The following KIAA1217 variants were observed in gnomAD, a reference collection of about 807,000 sequenced individuals.
KIAA1217 encodes the protein KIAA1217.
Under a neutral mutation model 163.9 loss-of-function variants are expected in KIAA1217, and 88 were observed. That is an observed-to-expected ratio of 0.54 (90% CI 0.45 to 0.64). The LOEUF is 0.64. KIAA1217 is among the 30% of genes least tolerant of loss of function. The probability of loss-of-function intolerance (pLI) is 0.00; values close to 1 mark genes in which losing one functional copy is unlikely to be tolerated. For missense variants in KIAA1217, 2,372 were observed against 2,475.0 expected (o/e 0.96, Z 0.88); for synonymous variants, 903 against 923.1 (o/e 0.98, Z 0.39).
chr10:24,488,961 G>A (rs2065753430), intron 6 of KIAA1217, among the ~76,000 whole-genome samples: 1 of 152,200 alleles, frequency 6.6e-6, no homozygotes, highest in Non-Finnish European at 1.5e-5. Context: ...CAGCTAGCAT[G>A]TTACCTAGCA....
chr10:23,967,392 G>A (rs560220165), intron 1 of KIAA1217, among the ~76,000 whole-genome samples: 4 of 152,180 alleles, frequency 2.6e-5, no homozygotes, highest in African/African-American at 9.6e-5. Flanking sequence ...AGACATATTT[G>A]CAATACATGT....
intron 9 of KIAA1217, 146 bp from the exon 10 acceptor site, chr10:24,513,112 CT>C (rs2069472439): frequency 2.7e-6 from 2 of 753,460 alleles, no homozygotes; most frequent in African/African-American, 3.5e-5. Flanking sequence ...TATGTACAGT[CT>C]TTGCTCCCTT....
At chr10:24,234,326 A>G (rs1232103881) in intron 2 of KIAA1217, among the ~76,000 whole-genome samples, 1 of 152,054 alleles carries the variant, frequency 6.6e-6, no homozygotes, top group Non-Finnish European at 1.5e-5. Context: ...CATTTTGGAT[A>G]ACAGTTACTC....
At chr10:23,831,986 ATT>A (rs1838225031) in intron 1 of KIAA1217, among the ~76,000 whole-genome samples, 1 of 152,092 alleles carries the variant, frequency 6.6e-6, no homozygotes, top group African/African-American at 2.4e-5. Context: ...ATGTGTGCAG[ATT>A]TTTCCCAGTG....
At chr10:24,535,099 T>C (rs1387642354) in intron 16 of KIAA1217, among the ~76,000 whole-genome samples, 1 of 152,160 alleles carries the variant, frequency 6.6e-6, no homozygotes, top group African/African-American at 2.4e-5. Flanking sequence ...GGAACCACTT[T>C]CTGTGCTCCA....
intron 1 of KIAA1217, among the ~76,000 whole-genome samples, chr10:23,776,442 A>G (rs1396919884): frequency 6.6e-6 from 1 of 151,408 alleles, no homozygotes; most frequent in Non-Finnish European, 1.5e-5. Flanking sequence ...TATCTCATAT[A>G]TTTATTCATA....
intron 2 of KIAA1217, among the ~76,000 whole-genome samples, chr10:24,270,559 C>A (rs532958418): frequency 1.3e-5 from 2 of 152,230 alleles, no homozygotes; most frequent in African/African-American, 4.8e-5. Flanking sequence ...AGATTTCTTT[C>A]TTTCTTTTTT....
chr10:24,222,271 T>G (rs923042044), intron 2 of KIAA1217, among the ~76,000 whole-genome samples: 6 of 152,178 alleles, frequency 3.9e-5, no homozygotes, highest in African/African-American at 9.7e-5. Flanking sequence ...TCTCTGATAA[T>G]GAGGGATGAA....
At chr10:24,004,479 C>A (rs933552885) in intron 1 of KIAA1217, among the ~76,000 whole-genome samples, 29 of 152,160 alleles carry the variant, frequency 1.9e-4, no homozygotes, top group Admixed American at 2.6e-4. Flanking sequence ...AATAATAAAA[C>A]TATATTTGGA....
chr10:24,360,896 TG>T lies in KIAA1217; in HGVS notation c.355-19971del, dbSNP rs1344426989. On this transcript the variant is annotated intron_variant, in intron 2 of 20. Coordinates refer to ENST00000376454, the MANE Select transcript of KIAA1217 (RefSeq NM_019590.5). ...TATCAGTAGTTATTTCAATGCTAAG[TG>T]GTTTTTTTTTTTTGGAGGTAGAAAC... Among the ~76,000 whole-genome samples the T allele has an allele frequency of 2.7e-5, 3 of 112,208 alleles. No homozygotes were observed. The East Asian group carries it at 9.7e-4, about 36-fold the overall frequency. The allele number at this position is 112,208 out of a possible 152,430, so 73.6% of individuals were successfully genotyped here.
intron 1 of KIAA1217, among the ~76,000 whole-genome samples, chr10:23,872,074 G>A (rs1198470102): frequency 6.6e-6 from 1 of 151,968 alleles, no homozygotes; most frequent in Non-Finnish European, 1.5e-5. Flanking sequence ...TTGTCCATTT[G>A]GGGAAAAAAC....
At chr10:23,822,713 G>T (rs145092473) in intron 1 of KIAA1217, among the ~76,000 whole-genome samples, 1 of 152,276 alleles carries the variant, frequency 6.6e-6, no homozygotes, top group East Asian at 1.9e-4. Context: ...GAAACAAAAT[G>T]CTTTGCTTAA....
At chr10:23,859,588 C>T (rs1839862092) in intron 1 of KIAA1217, among the ~76,000 whole-genome samples, 1 of 152,202 alleles carries the variant, frequency 6.6e-6, no homozygotes, top group African/African-American at 2.4e-5. Flanking sequence ...GCTGTAGTGA[C>T]ATATGGGATT....
intron 5 of KIAA1217, among the ~76,000 whole-genome samples, chr10:24,469,793 G>A (rs2132917470): frequency 6.6e-6 from 1 of 151,810 alleles, no homozygotes; most frequent in South Asian, 2.1e-4. Context: ...TGTATTATTA[G>A]TAGAGAGGGG....
intron 5 of KIAA1217, among the ~76,000 whole-genome samples, chr10:24,473,013 T>C (rs2063692510): frequency 6.6e-6 from 1 of 152,222 alleles, no homozygotes; most frequent in Non-Finnish European, 1.5e-5. Flanking sequence ...ACCCTTGTGA[T>C]TGCCTTGAGT....
intron 1 of KIAA1217, among the ~76,000 whole-genome samples, chr10:23,845,662 A>T (rs189832707): frequency 3.9e-5 from 6 of 152,234 alleles, no homozygotes; most frequent in African/African-American, 1.4e-4. Flanking sequence ...GATTGCAAAA[A>T]ATTTCTCCCA....
intron 2 of KIAA1217, among the ~76,000 whole-genome samples, chr10:24,305,411 T>C (rs1272889844): frequency 6.6e-6 from 1 of 152,208 alleles, no homozygotes; most frequent in Non-Finnish European, 1.5e-5. Flanking sequence ...AGGTGACAGG[T>C]GACCACAGAC....
At chr10:24,132,284 AG>A (rs1222079285) in intron 2 of KIAA1217, among the ~76,000 whole-genome samples, 11 of 152,302 alleles carry the variant, frequency 7.2e-5, no homozygotes, top group African/African-American at 2.4e-4. Flanking sequence ...AAAAGAAAAT[AG>A]GATTTGATTA....
chr10:24,241,504 C>T (rs1427676338), intron 2 of KIAA1217, among the ~76,000 whole-genome samples: 1 of 152,118 alleles, frequency 6.6e-6, no homozygotes, highest in East Asian at 1.9e-4. Flanking sequence ...TAAATTCTAC[C>T]TGCCTGAAAT....
Sources: gnomAD v4.1 joint callset for allele counts (sites outside exome capture counted in the v4.1 genomes callset) on GRCh38, gnomAD v4.1.1 for gene constraint, MANE v1.5 for transcripts, NCBI Gene and HGNC (gene_info 2026-07-23, HGNC 2026-07-21) for gene names.